The following PLCB1 variants were observed in gnomAD, a reference collection of about 807,000 sequenced individuals.
PLCB1 encodes the protein phospholipase C beta 1.
PLCB1 carries 46 observed loss-of-function variants against 161.8 expected under a neutral mutation model. The observed-to-expected ratio is 0.28, with a 90% CI of 0.22 to 0.36. The LOEUF (loss-of-function observed/expected upper bound fraction) is 0.36. Among genes scored for constraint, PLCB1 ranks in the 10% least tolerant of loss-of-function variants. The pLI is 1.00. For missense variants in PLCB1, 1,016 were observed against 1,472.5 expected (o/e 0.69, Z 5.07); for synonymous variants, 517 against 503.7 (o/e 1.03, Z -0.35).
intron 2 of PLCB1, among the ~76,000 whole-genome samples, chr20:8,167,618 G>A (rs1028760828): frequency 1.9e-4 from 29 of 152,152 alleles, no homozygotes; most frequent in African/African-American, 6.3e-4. Context: ...AGATAGTGAC[G>A]TAGTTGAATG....
intron 2 of PLCB1, among the ~76,000 whole-genome samples, chr20:8,196,791 T>C (rs2052029160): frequency 6.6e-6 from 1 of 152,042 alleles, no homozygotes. Context: ...TTACATTAGG[T>C]ATATCTCCTA....
intron 2 of PLCB1, 62 bp from the exon 3 acceptor site, chr20:8,371,320 A>T (rs1267753532): frequency 9.1e-7 from 1 of 1,095,036 alleles, no homozygotes; most frequent in Non-Finnish European, 1.4e-6. Flanking sequence ...GATGTCAATG[A>T]CATAAAACAA....
At chr20:8,420,968 T>C (rs1979514852) in intron 3 of PLCB1, among the ~76,000 whole-genome samples, 1 of 152,106 alleles carries the variant, frequency 6.6e-6, no homozygotes, top group African/African-American at 2.4e-5. Flanking sequence ...AATTTGGCAG[T>C]CTGAAAAAGA....
chr20:8,423,465 C>T (rs1180990520), intron 3 of PLCB1, among the ~76,000 whole-genome samples: 1 of 152,072 alleles, frequency 6.6e-6, no homozygotes, highest in African/African-American at 2.4e-5. Context: ...ATTGATATGA[C>T]CAAGGAAATT....
chr20:8,845,263 CTT>C (rs1296215620), intron 31 of PLCB1, among the ~76,000 whole-genome samples: 1 of 152,060 alleles, frequency 6.6e-6, no homozygotes, highest in Non-Finnish European at 1.5e-5. Flanking sequence ...AGCCTTGTCT[CTT>C]TGAACATATC....
chr20:8,433,662 C>A (rs1568674086), intron 3 of PLCB1, among the ~76,000 whole-genome samples: 1 of 146,650 alleles, frequency 6.8e-6, no homozygotes, highest in African/African-American at 2.6e-5. Flanking sequence ...AGGGAGTTGG[C>A]ATAGAGTTAA....
intron 3 of PLCB1, among the ~76,000 whole-genome samples, chr20:8,390,488 C>CT (rs752606122): frequency 2.6e-5 from 4 of 152,182 alleles, no homozygotes; most frequent in Non-Finnish European, 5.9e-5. Context: ...CAGCCCTTAA[C>CT]AGTGTTCCCT....
chr20:8,546,736 A>G (rs1985565041), intron 3 of PLCB1, among the ~76,000 whole-genome samples: 1 of 151,582 alleles, frequency 6.6e-6, no homozygotes, highest in Non-Finnish European at 1.5e-5. Context: ...TGTGTTCTGG[A>G]TGTTTTTCTT....
intron 3 of PLCB1, among the ~76,000 whole-genome samples, chr20:8,535,202 CAAA>C (rs11323420): frequency 3.8e-5 from 2 of 52,798 alleles, no homozygotes; most frequent in Non-Finnish European, 7.0e-5. Flanking sequence ...AGTTTATGGG[CAAA>C]AAAAAAAAAA....
At chr20:8,718,195 G>A (rs1241508478) in intron 14 of PLCB1, among the ~76,000 whole-genome samples, 2 of 151,962 alleles carry the variant, frequency 1.3e-5, no homozygotes, top group African/African-American at 4.8e-5. Context: ...ACTCCAGCCT[G>A]GTGACAGAGT....
chr20:8,477,441 A>G (rs985513613), intron 3 of PLCB1, among the ~76,000 whole-genome samples: 1 of 152,224 alleles, frequency 6.6e-6, no homozygotes, highest in African/African-American at 2.4e-5. Context: ...CTGAAATAGT[A>G]TAAAATAATA....
chr20:8,240,305 C>CACAT (rs1555792317), intron 2 of PLCB1, among the ~76,000 whole-genome samples: 2 of 146,978 alleles, frequency 1.4e-5, no homozygotes, highest in African/African-American at 2.7e-5. Context: ...CACACACACA[C>CACAT]GCACACACAC....
intron 2 of PLCB1, among the ~76,000 whole-genome samples, chr20:8,233,080 G>GT (rs912369301): frequency 1.3e-5 from 2 of 152,182 alleles, no homozygotes; most frequent in African/African-American, 4.8e-5. Flanking sequence ...CATATGGCCA[G>GT]TTAGATGGAT....
At chr20:8,196,350 CA>C (rs1600228290) in intron 2 of PLCB1, among the ~76,000 whole-genome samples, 8 of 152,110 alleles carry the variant, frequency 5.3e-5, no homozygotes, top group Admixed American at 5.2e-4. Flanking sequence ...CATTATTGAG[CA>C]AGCATTTAGT....
intron 31 of PLCB1, among the ~76,000 whole-genome samples, chr20:8,877,596 C>T (rs1987822955): frequency 6.6e-6 from 1 of 152,174 alleles, no homozygotes. Flanking sequence ...ACATGACTTG[C>T]CTGGCCCCTG....
At chr20:8,856,357 A>T (rs1987066856) in intron 31 of PLCB1, among the ~76,000 whole-genome samples, 1 of 152,162 alleles carries the variant, frequency 6.6e-6, no homozygotes, top group African/African-American at 2.4e-5. Flanking sequence ...TTCACTTAAA[A>T]ATATGTTGCT....
In PLCB1 at chr20:8,831,908, CTTTCTCTTTCTTTCTT is replaced by C. The variant is rs1568616936; in HGVS notation, c.3423+41649_3423+41664del. Among the ~76,000 whole-genome samples the C allele has an allele frequency of 1.9e-3, 138 of 72,040 alleles. 1 individual carries two copies. Among genetic ancestry groups the C allele is most frequent in the African/African-American group, 5.8e-3 (134 of 23,240 alleles). 47.3% of individuals were successfully genotyped at this position (72,040 alleles called of 152,430 possible). On this transcript the variant is annotated intron_variant, in intron 31 of 31. Transcript: ENST00000338037. ...TTTCTCTTTCTTTCTCCCTCTCTTT[CTTTCTCTTTCTTTCTT>C]TCTTTCTTTCTTTCTTTCTTTCTTT...
At chr20:8,448,625 T>C (rs1276731738) in intron 3 of PLCB1, among the ~76,000 whole-genome samples, 6 of 152,234 alleles carry the variant, frequency 3.9e-5, no homozygotes, top group African/African-American at 1.4e-4. Context: ...ATCTGTTCTT[T>C]CTGAGAAAAC....
intron 3 of PLCB1, among the ~76,000 whole-genome samples, chr20:8,503,299 G>T (rs1215004284): frequency 2.0e-5 from 3 of 152,136 alleles, no homozygotes; most frequent in Admixed American, 6.5e-5. Flanking sequence ...ATAGCTGATG[G>T]CTTCTTGGAC....
Sources: gnomAD v4.1 joint callset for allele counts (sites outside exome capture counted in the v4.1 genomes callset) on GRCh38, gnomAD v4.1.1 for gene constraint, MANE v1.5 for transcripts, NCBI Gene and HGNC (gene_info 2026-07-23, HGNC 2026-07-21) for gene names.